DOCK1: variants seen among roughly 807,000 people sequenced by gnomAD.
DOCK1 encodes dedicator of cytokinesis protein 1.
DOCK1 carries 138 observed loss-of-function variants against 262.7 expected under a neutral mutation model. That is an observed-to-expected ratio of 0.53 (90% CI 0.46 to 0.61). The LOEUF (loss-of-function observed/expected upper bound fraction) is 0.61, where lower values mean the gene tolerates loss of function less well. DOCK1 is among the 20% of genes least tolerant of loss of function. The pLI, the probability that DOCK1 is intolerant of heterozygous loss-of-function variation, is 0.00. For missense variants in DOCK1, 1,908 were observed against 2,370.7 expected, an observed-to-expected ratio of 0.80 and a Z score of 4.05; for synonymous variants, 866 against 867.4, an observed-to-expected ratio of 1.00 and a Z score of 0.03.
At chr10:127,286,233 T>C (rs545992262) in intron 29 of DOCK1, among the ~76,000 whole-genome samples, 3 of 152,254 alleles carry the variant, frequency 2.0e-5, no homozygotes, top group Non-Finnish European at 4.4e-5. Flanking sequence ...ATTCTCTTTT[T>C]GTTTGTCTGA....
intron 3 of DOCK1, among the ~76,000 whole-genome samples, chr10:126,979,188 A>G (rs907898617): frequency 4.6e-5 from 7 of 152,162 alleles, no homozygotes; most frequent in Non-Finnish European, 1.0e-4. Flanking sequence ...TTCTCCAAGG[A>G]AAGTTCTATT....
chr10:127,389,562 T>C, intron 38 of DOCK1, among the ~76,000 whole-genome samples: 1 of 152,150 alleles, frequency 6.6e-6, no homozygotes, highest in African/African-American at 2.4e-5. Context: ...AGCCCTGATA[T>C]GGTTTCGATC....
In DOCK1 at chr10:127,052,779, T is replaced by G. The variant is rs1213382070; in HGVS notation, c.2300T>G (p.Phe767Cys). Residue 767 changes from phenylalanine to cysteine, a missense_variant, in exon 22 of 52, where the codon TTC becomes TGC. Phe to Cys is a radical substitution (Grantham distance 205). This residue lies in a region of DOCK1 where 518 missense variants were observed against 575.1 expected (regional missense o/e 0.90). Transcript: ENST00000623213. The part of the protein sequence containing the change: ...YKAMKALESI[F>C]KFIVRSRILF... ...GCCATGAAAGCGCTAGAATCCATCT[T>G]CAAGTTCATCGTGCGCTCCAGGATC... is the stretch of plus-strand genomic sequence containing the variant. The G allele has an allele frequency of 1.9e-6, 3 of 1,613,808 alleles. No individual in the cohort carries two copies. In the African/African-American group the frequency reaches 4.0e-5, roughly 22 times the overall value.
intron 29 of DOCK1, among the ~76,000 whole-genome samples, chr10:127,308,227 G>A (rs574874962): frequency 3.9e-5 from 6 of 152,310 alleles, no homozygotes; most frequent in Non-Finnish European, 8.8e-5. Flanking sequence ...CATGCCAGGT[G>A]GTGCCGTCAT....
chr10:127,017,529 A>C (rs915825460), intron 12 of DOCK1, among the ~76,000 whole-genome samples: 1 of 136,708 alleles, frequency 7.3e-6, no homozygotes, highest in African/African-American at 2.9e-5. Flanking sequence ...GTGTACAGAC[A>C]CACATGGACA....
chr10:127,320,218 A>G (rs1210569568), intron 29 of DOCK1, among the ~76,000 whole-genome samples: 1 of 152,108 alleles, frequency 6.6e-6, no homozygotes, highest in Non-Finnish European at 1.5e-5. Flanking sequence ...AGACAAGAGC[A>G]TGGAAGAAAT....
intron 29 of DOCK1, among the ~76,000 whole-genome samples, chr10:127,274,593 T>C (rs1338146792): frequency 6.6e-6 from 1 of 152,154 alleles, no homozygotes; most frequent in Non-Finnish European, 1.5e-5. Flanking sequence ...GCAGGCCACA[T>C]GAACCTGTAC....
intron 27 of DOCK1, among the ~76,000 whole-genome samples, chr10:127,157,772 G>T (rs1326438859): frequency 6.6e-6 from 1 of 152,172 alleles, no homozygotes; most frequent in Non-Finnish European, 1.5e-5. Flanking sequence ...TGAAGGTGAG[G>T]TTTTGTTTAA....
chr10:126,930,369 G>A (rs1290321967), intron 1 of DOCK1, among the ~76,000 whole-genome samples: 2 of 152,214 alleles, frequency 1.3e-5, no homozygotes, highest in African/African-American at 4.8e-5. Flanking sequence ...TTAGTTGCAC[G>A]ATTCTTGGAC....
In DOCK1 at chr10:127,121,785, A is replaced by T. The variant is rs531702830; in HGVS notation, c.2624-3689A>T. ...TTTTAGTTGAAAAGGCTGACTTTGT[A>T]TACTGATATTTGTATTATTGTTATT... is the stretch of plus-strand genomic sequence containing the variant. On this transcript the variant is annotated intron_variant, in intron 25 of 51. Transcript: ENST00000623213. Among the ~76,000 whole-genome samples the T allele has an allele frequency of 1.1e-3, 161 of 152,284 alleles. 1 individual carries two copies. Among genetic ancestry groups the T allele is most frequent in the African/African-American group, 3.6e-3 (151 of 41,564 alleles).
intron 16 of DOCK1, among the ~76,000 whole-genome samples, chr10:127,031,070 T>A (rs1175439929): frequency 6.6e-6 from 1 of 152,186 alleles, no homozygotes; most frequent in Non-Finnish European, 1.5e-5. Flanking sequence ...CAATTTCACA[T>A]TGGGGTCGTT....
intron 10 of DOCK1, 66 bp downstream of exon 10, chr10:127,000,373 T>G: frequency 6.4e-7 from 1 of 1,574,658 alleles, no homozygotes; most frequent in Non-Finnish European, 8.6e-7. Context: ...AAAGAATCAC[T>G]GTTGAATGTT....
At chr10:127,199,711 A>C (rs925097816) in intron 27 of DOCK1, among the ~76,000 whole-genome samples, 1 of 152,224 alleles carries the variant, frequency 6.6e-6, no homozygotes, top group African/African-American at 2.4e-5. Flanking sequence ...GACCACAGCA[A>C]CTTCACTGGT....
intron 29 of DOCK1, among the ~76,000 whole-genome samples, chr10:127,261,768 GGTGT>G (rs756453423): frequency 5.0e-4 from 45 of 90,094 alleles, no homozygotes; most frequent in East Asian, 3.7e-3. Flanking sequence ...TGTGCATGTG[GGTGT>G]GTGTGTGTGT....
At position 126,941,613 on chromosome 10, in the gene DOCK1, A is replaced by G. The variant is rs958460833; in HGVS notation, c.47-29089A>G. ...CTACTAAAAGTACAAAAAATTAGCC[A>G]GGCGTGGTGGCGGGTGCCTGTAGTC... On this transcript the variant is annotated intron_variant, in intron 1 of 51. Transcript: ENST00000623213. Among the ~76,000 whole-genome samples, 905 of 152,180 alleles carry G rather than the reference A, an allele frequency of 5.9e-3. 2 individuals carry two copies. The highest frequency in any genetic ancestry group is 8.7e-3 in the South Asian group (42 of 4,810).
At chr10:126,951,852 A>ATTTTT (rs1184702030) in intron 1 of DOCK1, among the ~76,000 whole-genome samples, 1 of 142,608 alleles carries the variant, frequency 7.0e-6, no homozygotes, top group Non-Finnish European at 1.5e-5. Context: ...CAGCCTCTTC[A>ATTTTT]TTTTTTTTTT....
At chr10:127,428,002 T>G (rs80287414) in intron 47 of DOCK1, among the ~76,000 whole-genome samples, 2,284 of 152,318 alleles carry the variant, frequency 0.015, 51 homozygotes, top group African/African-American at 0.047. Context: ...AAATCAGGGC[T>G]CTGTCCTTCA....
At chr10:127,137,984 G>A (rs778313701) in intron 27 of DOCK1, 1 of 1,612,892 alleles carries the variant, frequency 6.2e-7, no homozygotes, top group East Asian at 2.2e-5. Flanking sequence ...GAACCGGCTG[G>A]AGTTTGTCTT....
intron 27 of DOCK1, among the ~76,000 whole-genome samples, chr10:127,143,022 C>A (rs1014178943): frequency 1.3e-5 from 2 of 152,188 alleles, no homozygotes; most frequent in African/African-American, 4.8e-5. Context: ...TAACACTTCT[C>A]CCCGCTGCCG....
Sources: allele counts gnomAD v4.1 joint callset (sites outside exome capture counted in the v4.1 genomes callset), GRCh38; gene constraint gnomAD v4.1.1; regional missense constraint gnomAD v4.1.1; transcripts MANE v1.5; gene names NCBI Gene and HGNC (gene_info 2026-07-23, HGNC 2026-07-21).